Variants in GRID2 observed in about 807,000 individuals in gnomAD.
GRID2 encodes the protein glutamate receptor ionotropic, delta-2.
In GRID2, 33 loss-of-function variants were observed where a neutral mutation model predicts 114.8. The observed-to-expected ratio is 0.29, with a 90% confidence interval of 0.22 to 0.38. The LOEUF is 0.38. GRID2 is among the 10% of genes least tolerant of loss of function. GRID2 has a pLI of 1.00. For synonymous variants in GRID2, 505 were observed against 449.9 expected, an observed-to-expected ratio of 1.12 and a Z score of -1.55; for missense variants, 1,184 against 1,257.7, an observed-to-expected ratio of 0.94 and a Z score of 0.89.
At chr4:92,642,001 A>G (rs1731378302) in intron 2 of GRID2, among the ~76,000 whole-genome samples, 1 of 151,186 alleles carries the variant, frequency 6.6e-6, no homozygotes, top group African/African-American at 2.4e-5. Flanking sequence ...GATGTTGTAT[A>G]TGTACCACAT....
chr4:92,666,763 T>C (rs1336290403), intron 2 of GRID2, among the ~76,000 whole-genome samples: 1 of 150,716 alleles, frequency 6.6e-6, no homozygotes, highest in Non-Finnish European at 1.5e-5. Context: ...TTTTAGTCTT[T>C]AATCTCTGGT....
chr4:93,092,331 T>C (rs4634186), intron 3 of GRID2, among the ~76,000 whole-genome samples: 61,875 of 151,854 alleles, frequency 0.41, 12,958 homozygotes, highest in Admixed American at 0.55. Flanking sequence ...CTGATCAGAC[T>C]GGAACAATAA....
At chr4:92,322,585 G>A (rs1726369942) in intron 1 of GRID2, among the ~76,000 whole-genome samples, 1 of 151,922 alleles carries the variant, frequency 6.6e-6, no homozygotes, top group African/African-American at 2.4e-5. Flanking sequence ...TGTTGCTGTT[G>A]GGGTGAAAAA....
intron 8 of GRID2, among the ~76,000 whole-genome samples, chr4:93,381,057 T>A (rs545497556): frequency 1.1e-4 from 17 of 152,166 alleles, no homozygotes; most frequent in African/African-American, 3.6e-4. Flanking sequence ...TTAAAAAAAA[T>A]TTTATTGTGG....
intron 11 of GRID2, among the ~76,000 whole-genome samples, chr4:93,483,985 CTT>C (rs1341076748): frequency 6.6e-6 from 1 of 151,562 alleles, no homozygotes; most frequent in Non-Finnish European, 1.5e-5. Context: ...CTAATTCTCT[CTT>C]CTGGCATCCT....
chr4:93,552,470 G>T (rs1456585892), intron 13 of GRID2, among the ~76,000 whole-genome samples: 1 of 152,090 alleles, frequency 6.6e-6, no homozygotes. Context: ...CTTCCACAAT[G>T]GTTGAACTAG....
intron 14 of GRID2, among the ~76,000 whole-genome samples, chr4:93,705,318 TTTC>T (rs1157087935): frequency 6.6e-6 from 1 of 151,818 alleles, no homozygotes; most frequent in East Asian, 1.9e-4. Flanking sequence ...TGTTGTTTTG[TTTC>T]TTTTTTCTTT....
At chr4:93,135,758 T>A (rs1469293867) in intron 4 of GRID2, among the ~76,000 whole-genome samples, 1 of 152,180 alleles carries the variant, frequency 6.6e-6, no homozygotes, top group Non-Finnish European at 1.5e-5. Flanking sequence ...GTTTTGTTTT[T>A]ATTTCAGTAG....
At chr4:93,182,328 T>G (rs530914672) in intron 4 of GRID2, among the ~76,000 whole-genome samples, 2 of 152,218 alleles carry the variant, frequency 1.3e-5, no homozygotes, top group East Asian at 3.9e-4. Flanking sequence ...CTATACATAC[T>G]CCATTAACTT....
chr4:93,714,852 T>G (rs1266410788), intron 14 of GRID2, among the ~76,000 whole-genome samples: 1 of 152,188 alleles, frequency 6.6e-6, no homozygotes, highest in Non-Finnish European at 1.5e-5. Flanking sequence ...ATGGATAGAT[T>G]GCAAAAATTT....
chr4:92,724,152 A>G (rs543468624), intron 2 of GRID2, among the ~76,000 whole-genome samples: 2 of 152,292 alleles, frequency 1.3e-5, no homozygotes, highest in South Asian at 2.1e-4. Flanking sequence ...TCATGAGAAG[A>G]TGGCCTCAAT....
intron 2 of GRID2, among the ~76,000 whole-genome samples, chr4:93,017,862 C>A: frequency 6.8e-6 from 1 of 146,942 alleles, no homozygotes. Context: ...AATATGTGCA[C>A]CAAGACATAA....
At chr4:92,554,534 T>C (rs1254706895) in intron 1 of GRID2, among the ~76,000 whole-genome samples, 2 of 152,180 alleles carry the variant, frequency 1.3e-5, no homozygotes, top group Non-Finnish European at 2.9e-5. Flanking sequence ...AAATGCATTG[T>C]TAACAACTTA....
rs191627102 is a variant in GRID2 at position 93,298,298 on chromosome 4, A to G, written c.1245+59808A>G. ...TATAAACAACAGAAATTTATTTCTC[A>G]CAGTTCTGAAGGCTGAAGTCTAAGA... On this transcript the variant is annotated intron_variant, in intron 8 of 15. Transcript: ENST00000282020. 2.4e-4 allele frequency among the ~76,000 whole-genome samples: 36 copies of G among 152,324 alleles called. No individual in the cohort carries two copies. In the East Asian group the frequency reaches 6.9e-3, roughly 29 times the overall value.
intron 2 of GRID2, among the ~76,000 whole-genome samples, chr4:92,783,254 AT>A (rs1214591762): frequency 3.9e-5 from 6 of 152,062 alleles, no homozygotes; most frequent in Admixed American, 2.6e-4. Context: ...CTTTTATAGA[AT>A]TAGGGTTGGC....
chr4:93,229,318 G>C (rs1745850696), intron 7 of GRID2, among the ~76,000 whole-genome samples: 1 of 152,180 alleles, frequency 6.6e-6, no homozygotes, highest in South Asian at 2.1e-4. Context: ...ACAGATTCAG[G>C]CTGGTTTGGA....
intron 2 of GRID2, among the ~76,000 whole-genome samples, chr4:92,765,500 G>A (rs1738215095): frequency 6.6e-6 from 1 of 151,782 alleles, no homozygotes; most frequent in African/African-American, 2.4e-5. Flanking sequence ...TGTCTGGCAT[G>A]TGAGACAAGC....
intron 4 of GRID2, among the ~76,000 whole-genome samples, chr4:93,201,592 C>T (rs1030640867): frequency 6.6e-6 from 1 of 152,180 alleles, no homozygotes; most frequent in African/African-American, 2.4e-5. Context: ...TTAGTACATC[C>T]TGCAAAAGGA....
intron 2 of GRID2, among the ~76,000 whole-genome samples, chr4:92,714,464 C>T (rs1246286760): frequency 6.6e-6 from 1 of 152,192 alleles, no homozygotes; most frequent in African/African-American, 2.4e-5. Context: ...CTCACAGCTC[C>T]ACTAGGCAGT....
Sources: allele counts gnomAD v4.1 joint callset (sites outside exome capture counted in the v4.1 genomes callset), GRCh38; gene constraint gnomAD v4.1.1; transcripts MANE v1.5; gene names NCBI Gene and HGNC (gene_info 2026-07-23, HGNC 2026-07-21).